TMEM232: variants seen among roughly 807,000 people sequenced by gnomAD.
TMEM232 encodes transmembrane protein 232.
In TMEM232, 80 loss-of-function variants were observed where a neutral mutation model predicts 78.8. The ratio of observed to expected loss-of-function variants is 1.01; its 90% CI spans 0.85 to 1.22. The LOEUF (loss-of-function observed/expected upper bound fraction) is 1.22. TMEM232 is among the 50% of genes most tolerant of loss of function. The probability of loss-of-function intolerance (pLI) is 0.00; values close to 1 mark genes in which losing one functional copy is unlikely to be tolerated. For synonymous variants in TMEM232, 297 were observed against 254.3 expected (o/e 1.17, Z -1.60); for missense variants, 881 against 742.2 (o/e 1.19, Z -2.17).
chr5:110,406,059 C>T (rs1390476436), intron 2 of TMEM232, among the ~76,000 whole-genome samples: 2 of 151,790 alleles, frequency 1.3e-5, no homozygotes, highest in Non-Finnish European at 2.9e-5. Flanking sequence ...GAAACAGCTA[C>T]AGGAATTATG....
At chr5:110,397,293 C>G (rs966062716) in intron 3 of TMEM232, among the ~76,000 whole-genome samples, 2 of 152,106 alleles carry the variant, frequency 1.3e-5, no homozygotes, top group Non-Finnish European at 2.9e-5. Context: ...ACATGTATAA[C>G]ATACTTCTTA....
intron 11 of TMEM232, among the ~76,000 whole-genome samples, chr5:110,560,175 T>C (rs1775580382): frequency 6.6e-6 from 1 of 152,128 alleles, no homozygotes; most frequent in African/African-American, 2.4e-5. Context: ...TTCAAACACT[T>C]TAAAAAGCTA....
chr5:110,669,135 G>A (rs1010364579), intron 1 of TMEM232, among the ~76,000 whole-genome samples: 5 of 152,128 alleles, frequency 3.3e-5, no homozygotes, highest in Non-Finnish European at 7.3e-5. Context: ...GAGCAGAGCA[G>A]AACTGAAGGA....
intron 2 of TMEM232, among the ~76,000 whole-genome samples, chr5:110,659,661 A>G (rs149648492): frequency 6.2e-4 from 95 of 152,308 alleles, no homozygotes; most frequent in African/African-American, 2.2e-3. Context: ...GACACATATT[A>G]TAAAATTATC....
intron 11 of TMEM232, among the ~76,000 whole-genome samples, chr5:110,554,727 T>C (rs111959893): frequency 0.013 from 1,979 of 152,262 alleles, 36 homozygotes; most frequent in African/African-American, 0.045. Context: ...AGTTTCAATA[T>C]GATTGATACC....
intron 7 of TMEM232, among the ~76,000 whole-genome samples, chr5:110,625,000 T>C (rs1478768249): frequency 2.0e-5 from 3 of 152,008 alleles, no homozygotes; most frequent in South Asian, 2.1e-4. Context: ...TTGGAAAATA[T>C]GTGAGGAAAG....
chr5:110,723,863 A>G (rs1016055493), intron 1 of TMEM232, among the ~76,000 whole-genome samples: 1 of 152,082 alleles, frequency 6.6e-6, no homozygotes, highest in Non-Finnish European at 1.5e-5. Flanking sequence ...GTCCCTTCCC[A>G]ATTTCTTTTA....
chr5:110,476,682 A>G (rs1335462917), intron 12 of TMEM232, among the ~76,000 whole-genome samples: 2 of 152,198 alleles, frequency 1.3e-5, no homozygotes, highest in East Asian at 3.9e-4. Context: ...AATCATGGTA[A>G]TGAACAACCT....
At chr5:110,716,934 A>C (rs2150333153) in intron 1 of TMEM232, among the ~76,000 whole-genome samples, 1 of 152,290 alleles carries the variant, frequency 6.6e-6, no homozygotes, top group East Asian at 1.9e-4. Flanking sequence ...GTAATTACAA[A>C]AAGCCAATGC....
At chr5:110,470,047 CAG>C (rs1318949788) in intron 12 of TMEM232, among the ~76,000 whole-genome samples, 6 of 152,276 alleles carry the variant, frequency 3.9e-5, no homozygotes, top group African/African-American at 1.2e-4. Flanking sequence ...TCTGGCTTCA[CAG>C]AGTTTGGGAT....
intron 2 of TMEM232, among the ~76,000 whole-genome samples, chr5:110,645,476 A>C (rs1448112894): frequency 6.0e-5 from 9 of 151,204 alleles, no homozygotes; most frequent in Non-Finnish European, 1.3e-4. Context: ...AAAAAGGTCA[A>C]CTCAACAGAG....
chr5:110,603,837 T>C (rs1580331034), intron 10 of TMEM232, among the ~76,000 whole-genome samples: 2 of 152,262 alleles, frequency 1.3e-5, no homozygotes, highest in Middle Eastern at 3.4e-3. Flanking sequence ...CAAAAATATA[T>C]TGAAGGCAAT....
chr5:110,429,085 TAAG>T (rs1757552160), intron 12 of TMEM232, among the ~76,000 whole-genome samples: 2 of 151,792 alleles, frequency 1.3e-5, no homozygotes, highest in South Asian at 2.1e-4. Context: ...GAAAAAATAA[TAAG>T]AAGAAAAAGC....
At chr5:110,663,165 G>T (rs77950263) in intron 2 of TMEM232, among the ~76,000 whole-genome samples, 1 of 151,938 alleles carries the variant, frequency 6.6e-6, no homozygotes, top group Admixed American at 6.6e-5. Flanking sequence ...TGGATAATTT[G>T]CAGTAAGTTA....
At chr5:110,691,690 A>G (rs546963240) in intron 1 of TMEM232, among the ~76,000 whole-genome samples, 5 of 152,338 alleles carry the variant, frequency 3.3e-5, no homozygotes, top group South Asian at 2.1e-4. Context: ...AAGATATAAT[A>G]AGTCATCACT....
intron 2 of TMEM232, among the ~76,000 whole-genome samples, chr5:110,664,996 T>C (rs1473969850): frequency 6.6e-6 from 1 of 152,210 alleles, no homozygotes; most frequent in Non-Finnish European, 1.5e-5. Context: ...GAGATTATAC[T>C]CTACTCTTTG....
chr5:110,524,173 G>T (rs1379883439), intron 12 of TMEM232, among the ~76,000 whole-genome samples: 4 of 149,050 alleles, frequency 2.7e-5, no homozygotes, highest in Non-Finnish European at 5.9e-5. Context: ...TGAGGCATAA[G>T]AATTGCTTGA....
intron 11 of TMEM232, among the ~76,000 whole-genome samples, chr5:110,548,970 A>AAG (rs1774118119): frequency 6.6e-6 from 1 of 151,966 alleles, no homozygotes; most frequent in African/African-American, 2.4e-5. Flanking sequence ...GTAACAATAA[A>AAG]AGTCTCAATA....
chr5:110,595,518 A>G (rs1780055663), intron 10 of TMEM232, among the ~76,000 whole-genome samples: 1 of 152,202 alleles, frequency 6.6e-6, no homozygotes, highest in African/African-American at 2.4e-5. Context: ...AAGGAAACTA[A>G]GAATTTTGAT....
Sources: allele counts gnomAD v4.1 joint callset (sites outside exome capture counted in the v4.1 genomes callset), GRCh38; gene constraint gnomAD v4.1.1; transcripts MANE v1.5; gene names NCBI Gene and HGNC (gene_info 2026-07-23, HGNC 2026-07-21).